Variants in ESR1 observed in about 807,000 individuals in gnomAD.
ESR1 encodes estrogen receptor.
A neutral mutation model predicts 52.7 loss-of-function variants in ESR1; 12 were observed. The observed-to-expected ratio is 0.23, with a 90% CI of 0.15 to 0.37. The LOEUF (loss-of-function observed/expected upper bound fraction) is 0.37, where lower values mean the gene tolerates loss of function less well. ESR1 is among the 10% of genes least tolerant of loss of function. ESR1 has a pLI of 1.00. For missense variants in ESR1, 584 were observed against 779.7 expected (o/e 0.75, Z 2.99); for synonymous variants, 305 against 316.8 (o/e 0.96, Z 0.39).
At chr6:151,820,770 T>A (rs1277903937) in intron 1 of ESR1, among the ~76,000 whole-genome samples, 1 of 152,214 alleles carries the variant, frequency 6.6e-6, no homozygotes, top group Non-Finnish European at 1.5e-5. Flanking sequence ...ATTTTTATGA[T>A]CCTTGCTAAA....
At chr6:151,889,478 T>G (rs1315117038) in intron 3 of ESR1, among the ~76,000 whole-genome samples, 1 of 152,178 alleles carries the variant, frequency 6.6e-6, no homozygotes, top group Non-Finnish European at 1.5e-5. Context: ...TATAATTTTT[T>G]GCATTTCTGT....
intron 2 of ESR1, among the ~76,000 whole-genome samples, chr6:151,857,798 G>A (rs913241930): frequency 1.3e-5 from 2 of 152,040 alleles, no homozygotes; most frequent in Non-Finnish European, 2.9e-5. Context: ...CAAAGTGCTG[G>A]GATTACAGAT....
At chr6:151,792,303 C>T (rs1776238326) in intron 2 of ESR1, among the ~76,000 whole-genome samples, 1 of 152,096 alleles carries the variant, frequency 6.6e-6, no homozygotes, top group Admixed American at 6.6e-5. Context: ...ATGTGAAGGC[C>T]TAGGGCATTA....
intron 2 of ESR1, among the ~76,000 whole-genome samples, chr6:151,759,921 A>G (rs1336637439): frequency 1.3e-5 from 2 of 152,208 alleles, no homozygotes; most frequent in Non-Finnish European, 2.9e-5. Context: ...GGCACCTGAA[A>G]GGGTTGGTAA....
chr6:151,742,852 A>C (rs191715868), intron 2 of ESR1, among the ~76,000 whole-genome samples: 1 of 152,302 alleles, frequency 6.6e-6, no homozygotes, highest in East Asian at 1.9e-4. Flanking sequence ...TGAATGGGCT[A>C]GATGTTATAT....
Position 152,098,158 on chromosome 6 carries a change from G to A in ESR1, c.1554-574G>A, listed in dbSNP as rs143052643. 2.5e-4 allele frequency among the ~76,000 whole-genome samples: 38 copies of A among 152,120 alleles called. No homozygotes were observed. The highest frequency in any genetic ancestry group is 5.0e-4 in the Non-Finnish European group (34 of 68,018). On this transcript the variant is annotated intron_variant, in intron 7 of 7. Transcript: ENST00000206249. This position sits in a 1 kb window ranked among gnomAD's most constrained non-coding sequence, Gnocchi z 5.1. ...AGTGTGGCTCCGGAGAGCACATTAG[G>A]GGAGAGAGGCAGGAAGAGCTTGGAG...
At chr6:151,787,542 T>C (rs1787140271) in intron 2 of ESR1, among the ~76,000 whole-genome samples, 1 of 152,124 alleles carries the variant, frequency 6.6e-6, no homozygotes. Flanking sequence ...TTGTAGTTCT[T>C]CTTGTAGAGA....
chr6:152,080,288 A>G, intron 6 of ESR1, among the ~76,000 whole-genome samples: 1 of 144,260 alleles, frequency 6.9e-6, no homozygotes, highest in South Asian at 2.2e-4. Context: ...GACTAATGGG[A>G]TCTCTCAGCA....
At chr6:151,886,465 A>G (rs1018162619) in intron 3 of ESR1, among the ~76,000 whole-genome samples, 2 of 152,208 alleles carry the variant, frequency 1.3e-5, no homozygotes, top group Non-Finnish European at 2.9e-5. Flanking sequence ...GTTGCAGTAT[A>G]ATTTTTAGAA....
intron 7 of ESR1, among the ~76,000 whole-genome samples, chr6:152,097,241 G>A (rs576612303): frequency 3.2e-4 from 48 of 151,624 alleles, no homozygotes; most frequent in South Asian, 1.3e-3. Flanking sequence ...AATCTAAATC[G>A]CAGAAGTCTA....
chr6:151,775,664 T>A (rs1007409664), intron 2 of ESR1, among the ~76,000 whole-genome samples: 1 of 150,190 alleles, frequency 6.7e-6, no homozygotes, highest in Non-Finnish European at 1.5e-5. Context: ...GAGAATGGCG[T>A]GAACCCGGGA....
intron 6 of ESR1, among the ~76,000 whole-genome samples, chr6:152,111,633 C>T (rs1369724509): frequency 1.3e-5 from 2 of 152,172 alleles, no homozygotes. Flanking sequence ...TGAGTATTTC[C>T]ACATTTCCAA....
Position 152,053,834 on chromosome 6 carries a change from T to C in ESR1, c.1236-7157T>C, listed in dbSNP as rs1411667791. Among the ~76,000 whole-genome samples the C allele has an allele frequency of 6.6e-6, 1 of 152,224 alleles. No individual in the cohort carries two copies. The highest frequency in any genetic ancestry group is 1.5e-5 in the Non-Finnish European group (1 of 68,036). ...AATACTTAGTAAAAGGTTAAATGTT[T>C]ACACCCCTTGATTCTGCTATTGTAT... is the stretch of plus-strand genomic sequence containing the variant. On this transcript the variant is annotated intron_variant, in intron 5 of 7. Transcript: ENST00000206249. The surrounding 1 kb of genome is among the most constrained non-coding windows in gnomAD (Gnocchi z 4.1).
chr6:152,097,759 T>C (rs1001642612), intron 7 of ESR1, among the ~76,000 whole-genome samples: 8 of 152,076 alleles, frequency 5.3e-5, no homozygotes, highest in African/African-American at 1.9e-4. Flanking sequence ...CCCCCTTGTT[T>C]TCCTGAACGT....
chr6:151,861,339 ATTAT>A lies in ESR1; in HGVS notation c.643+18554_643+18557del, dbSNP rs551416284. Among the ~76,000 whole-genome samples the A allele has an allele frequency of 3.2e-3, 484 of 152,354 alleles. 1 individual carries two copies. The highest frequency in any genetic ancestry group is 5.1e-3 in the Non-Finnish European group (350 of 68,044). On this transcript the variant is annotated intron_variant, in intron 2 of 7. Coordinates refer to ENST00000206249, the MANE Select transcript of ESR1 (RefSeq NM_000125.4). ...AAAATGGAGTTTGGAATGGCACCAA[ATTAT>A]TAATCAGTAGAAGGAGAATAGATTG...
intron 2 of ESR1, among the ~76,000 whole-genome samples, chr6:151,770,967 CAGT>C (rs1785463336): frequency 6.6e-6 from 1 of 152,114 alleles, no homozygotes; most frequent in Admixed American, 6.5e-5. Context: ...AAAAAGGAAA[CAGT>C]AGACATATAA....
At position 152,125,334 on chromosome 6, in the gene ESR1, T is replaced by C; in HGVS notation, c.919T>C (p.Phe307Leu). The stretch of plus-strand genomic sequence containing the variant: ...TCCTAAAATATTTGGAAACAAGTGG[T>C]TTCCTCGTGTCTAAAGCCTCTGGTC... The change falls in exon 7 of 7, where the codon TTT becomes CTT. Residue 307 changes from phenylalanine to leucine, a missense_variant. By Grantham distance (22) the Phe-to-Leu change is conservative. Transcript: ENST00000427531. 2.6e-6 allele frequency: 4 copies of C among 1,550,346 alleles called. No homozygotes were observed. The South Asian group carries it at 3.6e-5, about 14-fold the overall frequency.
chr6:151,934,318 TATC>T (rs1230935079), intron 3 of ESR1, among the ~76,000 whole-genome samples: 2 of 152,222 alleles, frequency 1.3e-5, no homozygotes, highest in African/African-American at 4.8e-5. Flanking sequence ...CATTATCAGA[TATC>T]ATATATTTAT....
chr6:152,036,289 G>A lies in ESR1; in HGVS notation c.1235+24495G>A, dbSNP rs150383919. On this transcript the variant is annotated intron_variant, in intron 5 of 7. Transcript: ENST00000206249. ...GCAGGAGAATGGTGTGAACCTGGGAGGCGGAGCTTGCAGTGAGCTGAAATC... is the reference window on the plus strand; with the variant it reads ...GCAGGAGAATGGTGTGAACCTGGGAAGCGGAGCTTGCAGTGAGCTGAAATC... Among the ~76,000 whole-genome samples, 1,398 of 152,286 alleles carry A rather than the reference G, an allele frequency of 9.2e-3. 9 individuals are homozygous for A. Among genetic ancestry groups the A allele is most frequent in the Middle Eastern group, 0.048 (14 of 294 alleles).
Sources: gnomAD v4.1 joint callset for allele counts (sites outside exome capture counted in the v4.1 genomes callset) on GRCh38, gnomAD v4.1.1 for gene constraint, Gnocchi (gnomAD v3.1) non-coding constraint, MANE v1.5 for transcripts, NCBI Gene and HGNC (gene_info 2026-07-23, HGNC 2026-07-21) for gene names.